FILIP1: variants seen among roughly 807,000 people sequenced by gnomAD.
FILIP1 encodes the protein filamin-A-interacting protein 1.
A neutral mutation model predicts 102.1 loss-of-function variants in FILIP1; 61 were observed. The ratio of observed to expected loss-of-function variants is 0.60; its 90% CI spans 0.49 to 0.74. The LOEUF is 0.74. FILIP1 is among the 30% of genes least tolerant of loss of function. FILIP1 has a pLI of 0.00. For synonymous variants in FILIP1, 491 were observed against 526.9 expected, an observed-to-expected ratio of 0.93 and a Z score of 0.93; for missense variants, 1,314 against 1,441.2, an observed-to-expected ratio of 0.91 and a Z score of 1.43.
chr6:75,406,478 A>G (rs117349022), intron 2 of FILIP1, among the ~76,000 whole-genome samples: 12 of 152,170 alleles, frequency 7.9e-5, no homozygotes, highest in Non-Finnish European at 1.2e-4. Context: ...CAATTACCCA[A>G]TACAATACTC....
chr6:75,385,599 A>C (rs1776064722), intron 2 of FILIP1: 1 of 152,134 alleles, frequency 6.6e-6, no homozygotes, highest in Non-Finnish European at 1.5e-5. Context: ...ATTTTACCTT[A>C]ATTTTCAGAT....
At chr6:75,380,846 A>G (rs1030519144) in intron 2 of FILIP1, among the ~76,000 whole-genome samples, 3 of 152,202 alleles carry the variant, frequency 2.0e-5, no homozygotes, top group Non-Finnish European at 2.9e-5. Context: ...TGGAAAAAAT[A>G]CATGTGAAGA....
chr6:75,299,346 ACC>A (rs1245170282), intron 6 of FILIP1, among the ~76,000 whole-genome samples: 2 of 152,186 alleles, frequency 1.3e-5, no homozygotes, highest in African/African-American at 4.8e-5. Context: ...TCTTACAGAT[ACC>A]ACTCTTCTGA....
intron 2 of FILIP1, among the ~76,000 whole-genome samples, chr6:75,370,560 G>A (rs1369192976): frequency 1.3e-5 from 2 of 149,366 alleles, no homozygotes; most frequent in Non-Finnish European, 1.5e-5. Flanking sequence ...TGTAATTTGG[G>A]AGTCTCTTCT....
chr6:75,316,921 C>T (rs1361043009), intron 4 of FILIP1, among the ~76,000 whole-genome samples: 1 of 152,134 alleles, frequency 6.6e-6, no homozygotes, highest in East Asian at 1.9e-4. Flanking sequence ...AGGATATTTT[C>T]AACATAAAAT....
chr6:75,336,890 T>C (rs1482204684), intron 4 of FILIP1, among the ~76,000 whole-genome samples: 1 of 152,172 alleles, frequency 6.6e-6, no homozygotes, highest in African/African-American at 2.4e-5. Context: ...TAGAAGCCTC[T>C]TGGAAGCCAG....
intron 1 of FILIP1, among the ~76,000 whole-genome samples, chr6:75,470,977 A>G (rs922258169): frequency 8.6e-5 from 13 of 151,998 alleles, no homozygotes; most frequent in Non-Finnish European, 1.8e-4. Context: ...CCTAGGCCAC[A>G]TGGCAAAACC....
chr6:75,356,410 T>C (rs138352930), intron 3 of FILIP1, among the ~76,000 whole-genome samples: 73 of 152,296 alleles, frequency 4.8e-4, no homozygotes, highest in Middle Eastern at 3.4e-3. Context: ...TGGCTGATAA[T>C]ATCTGAGATC....
intron 4 of FILIP1, among the ~76,000 whole-genome samples, chr6:75,340,859 G>A (rs1333441793): frequency 8.0e-6 from 1 of 124,368 alleles, no homozygotes; most frequent in East Asian, 2.4e-4. Context: ...CAATGCTCAG[G>A]AATTTTTTTT....
intron 1 of FILIP1, among the ~76,000 whole-genome samples, chr6:75,419,654 T>A (rs142133845): frequency 1.0e-3 from 158 of 152,208 alleles, no homozygotes; most frequent in Non-Finnish European, 1.3e-4. Flanking sequence ...TAAATGACAA[T>A]ACCCAAGGCA....
chr6:75,393,716 C>T (rs1428316763), intron 2 of FILIP1, among the ~76,000 whole-genome samples: 4 of 152,136 alleles, frequency 2.6e-5, no homozygotes, highest in Non-Finnish European at 4.4e-5. Flanking sequence ...CTCTCAGTTA[C>T]GAAACCATTT....
chr6:75,432,373 T>C (rs1250431007), intron 1 of FILIP1, among the ~76,000 whole-genome samples: 1 of 152,226 alleles, frequency 6.6e-6, no homozygotes, highest in Non-Finnish European at 1.5e-5. Flanking sequence ...GGCCAGGCCC[T>C]TGGTAAAGGA....
At chr6:75,348,954 G>A (rs942989231) in intron 4 of FILIP1, among the ~76,000 whole-genome samples, 1 of 151,822 alleles carries the variant, frequency 6.6e-6, no homozygotes, top group African/African-American at 2.4e-5. Context: ...GATATAAGAG[G>A]GTGGGGTGGG....
rs796848531 is a variant in FILIP1, at chr6:75,427,452, A to C, written c.-6-12474T>G. On this transcript the variant is annotated intron_variant, in intron 1 of 5. Coordinates refer to ENST00000237172, the MANE Select transcript of FILIP1 (RefSeq NM_015687.5). ...TCTCATCACTATTCTTCTTTTTCTA[A>C]TTTTGAAAAAGAAAAGCAAGAAGAC... 1.2e-4 allele frequency among the ~76,000 whole-genome samples: 18 copies of C among 152,090 alleles called. No individual in the cohort carries two copies. The East Asian group carries it at 3.1e-3, about 26-fold the overall frequency.
intron 1 of FILIP1, among the ~76,000 whole-genome samples, chr6:75,441,001 T>TA (rs1232489702): frequency 6.6e-6 from 1 of 150,696 alleles, no homozygotes; most frequent in Non-Finnish European, 1.5e-5. Context: ...TTTTTTTTTT[T>TA]ATTGATCATT....
intron 3 of FILIP1, chr6:75,357,182 T>C (rs958781828): frequency 6.6e-6 from 1 of 152,234 alleles, no homozygotes; most frequent in African/African-American, 2.4e-5. Context: ...CATACAATGA[T>C]ACATTGTGAT....
At chr6:75,410,030 T>C (rs985313810) in intron 2 of FILIP1, among the ~76,000 whole-genome samples, 7 of 152,226 alleles carry the variant, frequency 4.6e-5, no homozygotes, top group Non-Finnish European at 8.8e-5. Context: ...TGGCCAGCCT[T>C]GTGTTAAACC....
At chr6:75,463,311 G>A (rs1254013468) in intron 1 of FILIP1, among the ~76,000 whole-genome samples, 1 of 152,070 alleles carries the variant, frequency 6.6e-6, no homozygotes, top group African/African-American at 2.4e-5. Context: ...AGCATTCAAT[G>A]TACAGAATAA....
intron 4 of FILIP1, among the ~76,000 whole-genome samples, chr6:75,330,033 G>A (rs1475385771): frequency 6.6e-6 from 1 of 152,134 alleles, no homozygotes; most frequent in African/African-American, 2.4e-5. Flanking sequence ...GTGCAGGGCT[G>A]GGATGAGAGA....
Sources: allele counts gnomAD v4.1 joint callset (sites outside exome capture counted in the v4.1 genomes callset), GRCh38; gene constraint gnomAD v4.1.1; transcripts MANE v1.5; gene names NCBI Gene and HGNC (gene_info 2026-07-23, HGNC 2026-07-21).